Variants in RBKS observed in about 807,000 individuals in gnomAD.
RBKS encodes the protein ribokinase.
A neutral mutation model predicts 33.9 loss-of-function variants in RBKS; 33 were observed. The ratio of observed to expected loss-of-function variants is 0.97; its 90% confidence interval spans 0.74 to 1.30. The LOEUF (loss-of-function observed/expected upper bound fraction) is 1.30, where lower values mean the gene tolerates loss of function less well. Among genes scored for constraint, RBKS ranks in the 50% most tolerant of loss-of-function variants. RBKS has a pLI of 0.00. For synonymous variants in RBKS, 125 were observed against 143.0 expected (o/e 0.87, Z 0.90); for missense variants, 361 against 392.6 (o/e 0.92, Z 0.68).
chr2:27,869,677 A>G, intron 1 of RBKS: 1 of 172,952 alleles, frequency 5.8e-6, no homozygotes, highest in Non-Finnish European at 1.2e-5. Flanking sequence ...TGGAATAATT[A>G]TACAACTCAT....
At position 27,843,056 on chromosome 2, in the gene RBKS, T is replaced by A. The variant is rs767484978; in HGVS notation, c.514+11A>T. ...GCTTTTATAGAAAGAATGACAAATA[T>A]GTATAATTACCTCCACTCCTGCGGG... On this transcript the variant is annotated intron_variant, in intron 5 of 7. Coordinates refer to ENST00000302188, the MANE Select transcript of RBKS (RefSeq NM_022128.3). 6.5e-7 allele frequency: 1 copy of A among 1,545,876 alleles called. No individual in the cohort carries two copies. Among genetic ancestry groups the A allele is most frequent in the Non-Finnish European group, 8.7e-7 (1 of 1,144,834 alleles).
intron 7 of RBKS, among the ~76,000 whole-genome samples, chr2:27,805,535 A>C (rs987851815): frequency 9.9e-5 from 15 of 152,158 alleles, no homozygotes. Context: ...CCTTGTAGGA[A>C]ACAGCAAGTT....
chr2:27,799,639 A>G (rs1677734265), intron 7 of RBKS, among the ~76,000 whole-genome samples: 1 of 152,244 alleles, frequency 6.6e-6, no homozygotes, highest in Non-Finnish European at 1.5e-5. Context: ...GGGGTTCAGG[A>G]AAGGGAGAGA....
At chr2:27,803,784 C>T (rs1395423342) in intron 7 of RBKS, among the ~76,000 whole-genome samples, 1 of 151,324 alleles carries the variant, frequency 6.6e-6, no homozygotes, top group South Asian at 2.1e-4. Context: ...CGGTGACTCA[C>T]GCCTGTAATC....
intron 1 of RBKS, among the ~76,000 whole-genome samples, chr2:27,864,971 G>A (rs527362686): frequency 6.6e-6 from 1 of 152,280 alleles, no homozygotes; most frequent in South Asian, 2.1e-4. Flanking sequence ...TTATCTTGGG[G>A]AGAAGTCTCT....
intron 7 of RBKS, among the ~76,000 whole-genome samples, chr2:27,815,352 C>T (rs1188412776): frequency 3.3e-5 from 5 of 152,106 alleles, no homozygotes; most frequent in African/African-American, 1.2e-4. Context: ...GGACTACAGA[C>T]GTGTGCCACC....
intron 7 of RBKS, among the ~76,000 whole-genome samples, chr2:27,803,386 T>C (rs1677835787): frequency 6.6e-6 from 1 of 152,228 alleles, no homozygotes. Flanking sequence ...ACCAGCCACC[T>C]TGATTTTTGA....
Position 27,838,235 on chromosome 2 carries a change from C to T in RBKS, c.514+4832G>A, listed in dbSNP as rs182947313. Among the ~76,000 whole-genome samples, 3 of 152,006 alleles carry T rather than the reference C, an allele frequency of 2.0e-5. No homozygotes were observed. In the East Asian group the frequency reaches 5.8e-4, roughly 29 times the overall value. On this transcript the variant is annotated intron_variant, in intron 5 of 7. Coordinates refer to ENST00000302188, the MANE Select transcript of RBKS (RefSeq NM_022128.3). The stretch of plus-strand genomic sequence containing the variant: ...AAAACAAAACAAAAACAAGTCTGCA[C>T]ATGTACCCCCGTGTCTAAAATAAAA...
Position 27,848,107 on chromosome 2 carries a change from A to C in RBKS, c.223-10T>G. The C allele has an allele frequency of 7.1e-7, 1 of 1,406,166 alleles. No homozygotes were observed. Among genetic ancestry groups the C allele is most frequent in the Non-Finnish European group, 9.9e-7 (1 of 1,006,388 alleles). 87.1% of individuals were successfully genotyped at this position (1,406,166 alleles called of 1,614,324 possible). The stretch of plus-strand genomic sequence containing the variant: ...AAGAATCTTTGCCAACCTGTACCAA[A>C]GAAATAATGAATATTAGATCTTTTA... On this transcript the variant is annotated splice_polypyrimidine_tract_variant and intron_variant, in intron 2 of 7. Transcript: ENST00000302188.
intron 4 of RBKS, among the ~76,000 whole-genome samples, chr2:27,846,780 A>G (rs369079511): frequency 6.6e-6 from 1 of 152,238 alleles, no homozygotes; most frequent in African/African-American, 2.4e-5. Context: ...ATTACAGCAT[A>G]TACATATTAT....
intron 7 of RBKS, among the ~76,000 whole-genome samples, chr2:27,809,324 G>C (rs2148193090): frequency 6.6e-6 from 1 of 152,352 alleles, no homozygotes; most frequent in East Asian, 1.9e-4. Flanking sequence ...TGAGAAGAAT[G>C]GCCTGTGGAG....
intron 4 of RBKS, among the ~76,000 whole-genome samples, chr2:27,845,073 G>T (rs67986797): frequency 1.3e-5 from 2 of 152,144 alleles, no homozygotes; most frequent in Non-Finnish European, 2.9e-5. Context: ...AAAATTCAAA[G>T]TTCCCACTTG....
At chr2:27,825,171 C>T (rs888120842) in intron 7 of RBKS, among the ~76,000 whole-genome samples, 1 of 151,948 alleles carries the variant, frequency 6.6e-6, no homozygotes, top group African/African-American at 2.4e-5. Context: ...GATATTATCT[C>T]TTGAGTTCCA....
chr2:27,860,023 A>T (rs1663941219), intron 1 of RBKS, among the ~76,000 whole-genome samples: 1 of 152,202 alleles, frequency 6.6e-6, no homozygotes, highest in Admixed American at 6.5e-5. Flanking sequence ...ATTCCCTTGC[A>T]GTACACTGTC....
intron 7 of RBKS, among the ~76,000 whole-genome samples, chr2:27,794,618 TTTTTTC>T (rs1353939551): frequency 3.0e-5 from 4 of 134,742 alleles, no homozygotes; most frequent in Non-Finnish European, 3.1e-5. Context: ...ACTTTCGTTT[TTTTTTC>T]TTTTTTTTTT....
At chr2:27,854,785 GA>G (rs1455382554) in intron 2 of RBKS, among the ~76,000 whole-genome samples, 9 of 148,574 alleles carry the variant, frequency 6.1e-5, no homozygotes, top group African/African-American at 2.2e-4. Flanking sequence ...CAGCTTTACT[GA>G]GATATAATTA....
rs545932980 is a variant in RBKS at position 27,837,136 on chromosome 2, T to C, written c.515-4359A>G. 1.3e-5 allele frequency among the ~76,000 whole-genome samples: 2 copies of C among 152,040 alleles called. No homozygotes were observed. The highest frequency in any genetic ancestry group is 2.9e-5 in the Non-Finnish European group (2 of 68,000). On this transcript the variant is annotated intron_variant, in intron 5 of 7. Coordinates refer to ENST00000302188, the MANE Select transcript of RBKS (RefSeq NM_022128.3). This position sits in a 1 kb window ranked among gnomAD's most constrained non-coding sequence, Gnocchi z 4.0. ...AAAATACAAAAATATTAGCCGGGCA[T>C]GGTGGCAGGTGCCTGTAGTCCCAGC...
intron 5 of RBKS, among the ~76,000 whole-genome samples, chr2:27,838,887 C>G (rs1220627622): frequency 2.6e-5 from 4 of 152,030 alleles, no homozygotes; most frequent in Non-Finnish European, 5.9e-5. Context: ...ATGGATAGCA[C>G]AATAATGTCA....
intron 1 of RBKS, among the ~76,000 whole-genome samples, chr2:27,858,787 C>G (rs145701647): frequency 7.2e-4 from 110 of 152,310 alleles, no homozygotes; most frequent in African/African-American, 2.3e-3. Context: ...ATTCCTCTCT[C>G]TCTCCTAGAG....
Sources: gnomAD v4.1 joint callset for allele counts (sites outside exome capture counted in the v4.1 genomes callset) on GRCh38, gnomAD v4.1.1 for gene constraint, Gnocchi (gnomAD v3.1) non-coding constraint, MANE v1.5 for transcripts, NCBI Gene and HGNC (gene_info 2026-07-23, HGNC 2026-07-21) for gene names.